Variants in APC observed in about 807,000 individuals in gnomAD.
The protein encoded by APC is APC regulator of Wnt signaling pathway.
A neutral mutation model predicts 247.0 loss-of-function variants in APC; 72 were observed. That is an observed-to-expected ratio of 0.29 (90% confidence interval 0.24 to 0.35). APC has a LOEUF of 0.35. APC is among the 10% of genes least tolerant of loss of function. The probability of loss-of-function intolerance (pLI) is 1.00; values close to 1 mark genes in which losing one functional copy is unlikely to be tolerated. For synonymous variants in APC, 1,254 were observed against 1,162.5 expected, an observed-to-expected ratio of 1.08 and a Z score of -1.60; for missense variants, 3,400 against 3,360.7, an observed-to-expected ratio of 1.01 and a Z score of -0.29.
In APC at chr5:112,754,898, C is replaced by T. The variant is rs2149737259; in HGVS notation, c.8C>T (p.Ala3Val). The T allele has an allele frequency of 1.9e-6, 3 of 1,613,646 alleles. No individual in the cohort carries two copies. The highest frequency in any genetic ancestry group is 1.1e-5 in the South Asian group (1 of 91,068). MA[A>V]ASYDQLLKQV... ...GTCCAAGGGTAGCCAAGGATGGCTGCAGCTTCATATGATCAGTTGTTAAAG... is the reference window on the plus strand; with the variant it reads ...GTCCAAGGGTAGCCAAGGATGGCTGTAGCTTCATATGATCAGTTGTTAAAG... Residue 3 changes from alanine to valine, a missense_variant, in exon 2 of 16, where the codon GCA becomes GTA. Transcript: ENST00000257430.
rs2149898454 is a variant in APC, at chr5:112,839,352, C to T, written c.3758C>T (p.Ser1253Phe). 6.2e-7 allele frequency: 1 copy of T among 1,613,178 alleles called. No individual in the cohort carries two copies. The highest frequency in any genetic ancestry group is 8.5e-7 in the Non-Finnish European group (1 of 1,179,534). Residue 1253 changes from serine (S) to phenylalanine (F), a missense_variant, in exon 16 of 16, where the codon TCT becomes TTT. Ser to Phe is a radical substitution (Grantham distance 155). Transcript: ENST00000257430. The surrounding 1 kb of genome is among the most constrained non-coding windows in gnomAD (Gnocchi z 5.0). Reference sequence around the variant, plus strand: ...AAGGCTGCCACTTGCAAAGTTTCTTCTATTAACCAAGAAACAATACAGACT... The same window carrying T: ...AAGGCTGCCACTTGCAAAGTTTCTTTTATTAACCAAGAAACAATACAGACT... ...PQKAATCKVS[S>F]INQETIQTYC...
At chr5:112,715,384 A>G (rs150246327) in intron 1 of APC, among the ~76,000 whole-genome samples, 2 of 152,294 alleles carry the variant, frequency 1.3e-5, no homozygotes, top group Non-Finnish European at 2.9e-5. Context: ...GAAATAGAAT[A>G]AAATAGGTTC....
chr5:112,810,073 C>T (rs145549542), intron 8 of APC: 13 of 450,996 alleles, frequency 2.9e-5, no homozygotes, highest in African/African-American at 1.2e-4. Context: ...GAGAAAAGAT[C>T]GTTAACTGAT....
Position 112,840,365 on chromosome 5 carries a change from G to T in APC, c.4771G>T (p.Ala1591Ser). Reference protein sequence around the residue: ...SAMPTKSSRKAKKPAQTASKL... With the variant: ...SAMPTKSSRKSKKPAQTASKL... ...CATGCCAACAAAGTCATCACGTAAA[G>T]CAAAAAAGCCAGCCCAGACTGCTTC... Residue 1591 changes from alanine to serine, a missense_variant, in exon 16 of 16, where the codon GCA becomes TCA. Ala to Ser is a moderately conservative substitution (Grantham distance 99). Around this residue, in one of 9 missense-constraint regions of APC, gnomAD observed 1,788 missense variants for 1,649.5 expected, o/e 1.08. Coordinates refer to ENST00000257430, the MANE Select transcript of APC (RefSeq NM_000038.6). This position sits in a 1 kb window ranked among gnomAD's most constrained non-coding sequence, Gnocchi z 4.1. The T allele has an allele frequency of 6.2e-7, 1 of 1,614,164 alleles. No homozygotes were observed. Among genetic ancestry groups the T allele is most frequent in the Non-Finnish European group, 8.5e-7 (1 of 1,180,010 alleles).
chr5:112,753,683 G>A (rs1375451941), intron 1 of APC, among the ~76,000 whole-genome samples: 1 of 152,052 alleles, frequency 6.6e-6, no homozygotes, highest in Non-Finnish European at 1.5e-5. Flanking sequence ...GAACTAACTA[G>A]ATCTAAGATG....
intron 1 of APC, among the ~76,000 whole-genome samples, chr5:112,724,659 T>C (rs1305650821): frequency 6.6e-6 from 1 of 152,152 alleles, no homozygotes; most frequent in African/African-American, 2.4e-5. Context: ...GGAAGGCTTT[T>C]GGGAGAGGTC....
At chr5:112,709,844 G>T (rs1388972704) in intron 1 of APC, among the ~76,000 whole-genome samples, 1 of 152,188 alleles carries the variant, frequency 6.6e-6, no homozygotes, top group Non-Finnish European at 1.5e-5. Context: ...TGTGGAGGTT[G>T]CAGTGAGCCA....
Position 112,775,645 on chromosome 5 carries a change from G to A in APC, c.439G>A (p.Asp147Asn), listed in dbSNP as rs2149614624. ...AAAAAATAGGTCATTGCTTCTTGCT[G>A]ATCTTGACAAAGAAGAAAAGGAAAA... is the stretch of plus-strand genomic sequence containing the variant. ...LEKERSLLLA[D>N]LDKEEKEKDW... The change falls in exon 5 of 16, where the codon GAT (aspartate) becomes AAT (asparagine). Residue 147 changes from aspartate (D) to asparagine (N), a missense_variant. This residue lies in a region of APC where 372 missense variants were observed against 367.6 expected (regional missense o/e 1.01). Coordinates refer to ENST00000257430, the MANE Select transcript of APC (RefSeq NM_000038.6). 6.2e-7 allele frequency: 1 copy of A among 1,600,828 alleles called. No homozygotes were observed. The highest frequency in any genetic ancestry group is 8.5e-7 in the Non-Finnish European group (1 of 1,172,408).
chr5:112,728,160 C>A (rs199633460), intron 1 of APC, among the ~76,000 whole-genome samples: 1 of 151,898 alleles, frequency 6.6e-6, no homozygotes, highest in African/African-American at 2.4e-5. Context: ...CAGAGTCTCT[C>A]TCTGTTGCTC....
chr5:112,743,945 C>T (rs1012498298), intron 1 of APC, among the ~76,000 whole-genome samples: 1 of 152,068 alleles, frequency 6.6e-6, no homozygotes, highest in South Asian at 2.1e-4. Context: ...CTCAAGCAGT[C>T]CTCCCAACTG....
At chr5:112,772,069 T>C (rs138328105) in intron 4 of APC, among the ~76,000 whole-genome samples, 20 of 152,308 alleles carry the variant, frequency 1.3e-4, no homozygotes, top group Non-Finnish European at 2.9e-4. Context: ...TGCTGTCATG[T>C]TCACTATTAA....
In APC at chr5:112,812,957, T is replaced by C. The variant is rs1305994051; in HGVS notation, c.835-2538T>C. Among the ~76,000 whole-genome samples, 3 of 152,106 alleles carry C rather than the reference T, an allele frequency of 2.0e-5. No homozygotes were observed. In the East Asian group the frequency reaches 5.8e-4, roughly 29 times the overall value. ...TCCCTTCCCTAAGGAGGATTACTAA[T>C]TAGTTTTGTCCTAGAAGTGTCCCTA... On this transcript the variant is annotated intron_variant, in intron 8 of 15. Coordinates refer to ENST00000257430, the MANE Select transcript of APC (RefSeq NM_000038.6).
chr5:112,724,290 A>G (rs1298830042), intron 1 of APC, among the ~76,000 whole-genome samples: 1 of 152,056 alleles, frequency 6.6e-6, no homozygotes, highest in Non-Finnish European at 1.5e-5. Flanking sequence ...CTCATAGTCT[A>G]ATGGAGAGAA....
chr5:112,716,659 A>T (rs1232034950), intron 1 of APC, among the ~76,000 whole-genome samples: 3 of 152,136 alleles, frequency 2.0e-5, no homozygotes, highest in Non-Finnish European at 4.4e-5. Flanking sequence ...CTCCATTATG[A>T]TTGTGGATTT....
chr5:112,813,372 G>A (rs1427926277), intron 8 of APC, among the ~76,000 whole-genome samples: 1 of 152,080 alleles, frequency 6.6e-6, no homozygotes, highest in African/African-American at 2.4e-5. Flanking sequence ...GAAGTTCTAA[G>A]CAGCCCTCAT....
intron 9 of APC, among the ~76,000 whole-genome samples, chr5:112,818,671 A>G (rs1204150614): frequency 2.0e-5 from 3 of 152,176 alleles, no homozygotes; most frequent in African/African-American, 7.2e-5. Context: ...TATCTAGGCA[A>G]ACAGCACTAA....
Position 112,839,845 on chromosome 5 carries a change from T to C in APC, c.4251T>C (p.Ile1417=), listed in dbSNP as rs758171294. ...CATGCAGTGGAATGGTAAGTGGCAT[T>C]ATAAGCCCCAGTGATCTTCCAGATA... is the stretch of plus-strand genomic sequence containing the variant. ...SEPCSGMVSG[I]ISPSDLPDSP... is the part of the protein sequence containing the mutation. The change falls in exon 16 of 16, where the codon ATT becomes ATC. Residue 1417 remains isoleucine (I), a synonymous_variant. Coordinates refer to ENST00000257430, the MANE Select transcript of APC (RefSeq NM_000038.6). The surrounding 1 kb of genome is among the most constrained non-coding windows in gnomAD (Gnocchi z 5.0). 16 of 1,614,066 alleles carry C rather than the reference T, an allele frequency of 9.9e-6. No homozygotes were observed. The South Asian group carries it at 1.8e-4, about 18-fold the overall frequency.
chr5:112,797,263 T>C (rs1760309444), intron 7 of APC, among the ~76,000 whole-genome samples: 2 of 151,094 alleles, frequency 1.3e-5, no homozygotes, highest in Admixed American at 1.3e-4. Context: ...AACCACTTTT[T>C]ACAATTTTGC....
intron 2 of APC, among the ~76,000 whole-genome samples, chr5:112,762,562 A>G (rs1755790574): frequency 6.6e-6 from 1 of 152,186 alleles, no homozygotes; most frequent in South Asian, 2.1e-4. Context: ...TTTCACAGAT[A>G]CTATGTTGAA....
Sources: allele counts gnomAD v4.1 joint callset (sites outside exome capture counted in the v4.1 genomes callset), GRCh38; gene constraint gnomAD v4.1.1; regional missense constraint gnomAD v4.1.1; non-coding constraint Gnocchi (gnomAD v3.1); transcripts MANE v1.5; gene names NCBI Gene and HGNC (gene_info 2026-07-23, HGNC 2026-07-21).